The following RBFOX3 variants were observed in gnomAD, a reference collection of about 807,000 sequenced individuals.
RBFOX3 encodes the protein RNA binding protein fox-1 homolog 3.
RBFOX3 carries 17 observed loss-of-function variants against 48.7 expected under a neutral mutation model. The ratio of observed to expected loss-of-function variants is 0.35; its 90% CI spans 0.24 to 0.52. The LOEUF (loss-of-function observed/expected upper bound fraction) is 0.52. Among genes scored for constraint, RBFOX3 ranks in the 20% least tolerant of loss-of-function variants. The pLI is 0.94. For synonymous variants in RBFOX3, 212 were observed against 209.5 expected, an observed-to-expected ratio of 1.01 and a Z score of -0.10; for missense variants, 382 against 497.5, an observed-to-expected ratio of 0.77 and a Z score of 2.21.
chr17:79,511,248 A>G (rs978205545), intron 1 of RBFOX3, among the ~76,000 whole-genome samples: 2 of 152,190 alleles, frequency 1.3e-5, no homozygotes, highest in South Asian at 4.1e-4. Context: ...TGTGATGTCC[A>G]GATATCCGCT....
intron 1 of RBFOX3, among the ~76,000 whole-genome samples, chr17:79,553,682 C>A (rs1010751910): frequency 0.012 from 1,829 of 152,080 alleles, 49 homozygotes; most frequent in African/African-American, 0.042. Context: ...CCTTATTATT[C>A]CTCATTATGT....
At chr17:79,494,241 G>A (rs1254530348) in intron 1 of RBFOX3, among the ~76,000 whole-genome samples, 2 of 152,206 alleles carry the variant, frequency 1.3e-5, no homozygotes, top group Non-Finnish European at 2.9e-5. Context: ...GTGGGAACCT[G>A]TCCCCTCAGC....
At chr17:79,498,866 G>A (rs4790060) in intron 1 of RBFOX3, among the ~76,000 whole-genome samples, 139,430 of 143,928 alleles carry the variant, frequency 0.97, 67,547 homozygotes, top group Non-Finnish European at 0.98. Flanking sequence ...CTACCCATTC[G>A]CTCATCCATC....
chr17:79,479,305 T>C lies in RBFOX3; in HGVS notation c.-175+3149A>G, dbSNP rs376707239. ...CAGGAGCTCGCGGGGCAGGAGGGTGTCTACAGGCACACCTGACCTCAGATG... is the reference window on the plus strand; with the variant it reads ...CAGGAGCTCGCGGGGCAGGAGGGTGCCTACAGGCACACCTGACCTCAGATG... On this transcript the variant is annotated intron_variant, in intron 2 of 14. Transcript: ENST00000693108. The surrounding 1 kb of genome is among the most constrained non-coding windows in gnomAD (Gnocchi z 5.1). Among the ~76,000 whole-genome samples, 192 of 152,236 alleles carry C rather than the reference T, an allele frequency of 1.3e-3. No individual in the cohort carries two copies. The highest frequency in any genetic ancestry group is 4.5e-3 in the African/African-American group (185 of 41,546).
At chr17:79,449,163 C>A (rs371126865) in intron 2 of RBFOX3, among the ~76,000 whole-genome samples, 2 of 151,954 alleles carry the variant, frequency 1.3e-5, no homozygotes, top group Non-Finnish European at 2.9e-5. Context: ...CTGAGAGGTT[C>A]GGGTAGGAGG....
At chr17:79,651,976 G>C in the RBFOX3 span, among the ~76,000 whole-genome samples, 1 of 150,926 alleles carries the variant, frequency 6.6e-6, no homozygotes, top group Non-Finnish European at 1.5e-5. Context: ...GCTGAGCTTG[G>C]GAGCAGATCC....
chr17:79,539,530 G>A (rs1555789622), intron 1 of RBFOX3, among the ~76,000 whole-genome samples: 1 of 152,162 alleles, frequency 6.6e-6, no homozygotes, highest in Non-Finnish European at 1.5e-5. Context: ...TTTTCTCCAG[G>A]AAAGCTACGA....
At chr17:79,239,230 G>T (rs888594713) in intron 3 of RBFOX3, among the ~76,000 whole-genome samples, 1 of 152,162 alleles carries the variant, frequency 6.6e-6, no homozygotes, top group African/African-American at 2.4e-5. Context: ...AATCCTGGGG[G>T]CGGGGGAAGG....
At chr17:79,140,151 G>A (rs184351768) in intron 4 of RBFOX3, among the ~76,000 whole-genome samples, 18 of 152,336 alleles carry the variant, frequency 1.2e-4, no homozygotes, top group South Asian at 2.1e-4. Context: ...CTCTTCCTGC[G>A]CAGCCCTTGG....
chr17:79,289,305 TAGAGTA>T (rs2144789188), intron 3 of RBFOX3, among the ~76,000 whole-genome samples: 1 of 152,330 alleles, frequency 6.6e-6, no homozygotes, highest in African/African-American at 2.4e-5. Flanking sequence ...TGGGGAAGGT[TAGAGTA>T]TTCTCCAAAA....
At chr17:79,533,213 C>T (rs1190258608) in intron 1 of RBFOX3, among the ~76,000 whole-genome samples, 2 of 152,206 alleles carry the variant, frequency 1.3e-5, no homozygotes, top group African/African-American at 4.8e-5. Context: ...ATGGCCTCTG[C>T]CCTGTGTTTC....
rs929813264 is a variant in RBFOX3 at position 79,351,998 on chromosome 17, T to A, written c.-174-44174A>T. Among the ~76,000 whole-genome samples the A allele has an allele frequency of 2.4e-4, 36 of 152,104 alleles. 1 individual carries two copies. The highest frequency in any genetic ancestry group is 1.8e-3 in the Admixed American group (28 of 15,270). On this transcript the variant is annotated intron_variant, in intron 2 of 14. Transcript: ENST00000693108. ...ATCTTAGAGGCCTGTGAACCCCGGC[T>A]TCTACTGAGAGGAGAAGCTTCTGCA...
At chr17:79,581,180 G>A (rs1223062924) in intron 1 of RBFOX3, among the ~76,000 whole-genome samples, 1 of 152,164 alleles carries the variant, frequency 6.6e-6, no homozygotes, top group African/African-American at 2.4e-5. Context: ...CCCAGGAGAT[G>A]GAGCTTGCAG....
intron 4 of RBFOX3, among the ~76,000 whole-genome samples, chr17:79,167,401 C>T (rs190595595): frequency 2.9e-3 from 338 of 118,300 alleles, no homozygotes; most frequent in Non-Finnish European, 4.3e-3. Context: ...TCAGGCTCTA[C>T]GGTCCTACTG....
intron 2 of RBFOX3, among the ~76,000 whole-genome samples, chr17:79,397,036 T>A (rs1226642158): frequency 6.6e-6 from 1 of 152,242 alleles, no homozygotes; most frequent in Non-Finnish European, 1.5e-5. Flanking sequence ...AAGGACGACC[T>A]GTCTCAAGGG....
chr17:79,512,614 C>T (rs1282585516), intron 1 of RBFOX3, among the ~76,000 whole-genome samples: 147 of 148,354 alleles, frequency 9.9e-4, no homozygotes, highest in Non-Finnish European at 1.8e-3. Context: ...GGCCAGGGGA[C>T]GCACACCCGG....
intron 3 of RBFOX3, among the ~76,000 whole-genome samples, chr17:79,247,310 ATTTTTTTTT>A (rs57539628): frequency 8.6e-6 from 1 of 116,570 alleles, no homozygotes; most frequent in South Asian, 3.1e-4. Context: ...ACATAATCGT[ATTTTTTTTT>A]TTTTTTTTTT....
At chr17:79,662,503 T>C in the RBFOX3 span, among the ~76,000 whole-genome samples, 1 of 152,156 alleles carries the variant, frequency 6.6e-6, no homozygotes, top group African/African-American at 2.4e-5. Context: ...AGATCTGCCA[T>C]GCCCTCCTTA....
intron 2 of RBFOX3, among the ~76,000 whole-genome samples, chr17:79,309,280 C>T (rs1279134472): frequency 6.6e-6 from 1 of 152,110 alleles, no homozygotes; most frequent in Non-Finnish European, 1.5e-5. Context: ...GGGGGTGTCA[C>T]ATGATTGGGG....
Sources: gnomAD v4.1 joint callset for allele counts (sites outside exome capture counted in the v4.1 genomes callset) on GRCh38, gnomAD v4.1.1 for gene constraint, Gnocchi (gnomAD v3.1) non-coding constraint, MANE v1.5 for transcripts, NCBI Gene and HGNC (gene_info 2026-07-23, HGNC 2026-07-21) for gene names.